Variants in PBRM1 observed in about 807,000 individuals in gnomAD.
The protein encoded by PBRM1 is polybromo 1.
Under a neutral mutation model 194.5 loss-of-function variants are expected in PBRM1, and 27 were observed. The observed-to-expected ratio is 0.14, with a 90% confidence interval of 0.10 to 0.19. The LOEUF (loss-of-function observed/expected upper bound fraction) is 0.19. Ranked by LOEUF, PBRM1 falls within the 10% of genes least tolerant of loss-of-function variation. PBRM1 has a pLI of 1.00. For synonymous variants in PBRM1, 655 were observed against 693.2 expected, an observed-to-expected ratio of 0.94 and a Z score of 0.87; for missense variants, 1,466 against 2,077.2, an observed-to-expected ratio of 0.71 and a Z score of 5.72.
At chr3:52,671,310 C>A (rs1317611636) in intron 2 of PBRM1, among the ~76,000 whole-genome samples, 3 of 152,214 alleles carry the variant, frequency 2.0e-5, no homozygotes, top group African/African-American at 7.2e-5. Flanking sequence ...AGAGGAGCGT[C>A]AGAAAAAAGG....
chr3:52,594,218 T>C (rs886357858), intron 17 of PBRM1, among the ~76,000 whole-genome samples: 2 of 152,196 alleles, frequency 1.3e-5, no homozygotes, highest in Admixed American at 1.3e-4. Flanking sequence ...TGTAAGCCTC[T>C]CTGAAGGTCT....
chr3:52,571,911 C>T (rs1231385588), intron 22 of PBRM1, among the ~76,000 whole-genome samples: 1 of 145,270 alleles, frequency 6.9e-6, no homozygotes, highest in East Asian at 2.0e-4. Context: ...GGTGGTACAT[C>T]CCTATAGTCC....
rs1422119249 is a variant in PBRM1, at chr3:52,609,848, G to A, written c.2032C>T (p.Arg678Cys). Reference sequence around the variant, plus strand: ...CTCAGAAATATGGCACTGAGGCGGCGACCCCTCTTATCAGTATAGTTCTTT... The same window carrying A: ...CTCAGAAATATGGCACTGAGGCGGCAACCCCTCTTATCAGTATAGTTCTTT... Residue 678 changes from arginine to cysteine, a missense_variant, in exon 16 of 30, where the codon CGC becomes TGC. Arg to Cys is a radical substitution (Grantham distance 180). This residue lies in a region of PBRM1 where 687 missense variants were observed against 946.2 expected (regional missense o/e 0.73). Coordinates refer to ENST00000296302, the Ensembl canonical transcript of PBRM1. The surrounding 1 kb of genome is among the most constrained non-coding windows in gnomAD (Gnocchi z 4.1). 2 of 1,613,204 alleles carry A rather than the reference G, an allele frequency of 1.2e-6. No individual in the cohort carries two copies. The highest frequency in any genetic ancestry group is 2.2e-5 in the East Asian group (1 of 44,870).
chr3:52,550,869 G>A, intron 27 of PBRM1, 52 bp from the exon 30 acceptor site: 1 of 1,140,568 alleles, frequency 8.8e-7, no homozygotes. Flanking sequence ...TGAAATGACT[G>A]AAAAACTACT....
intron 14 of PBRM1, among the ~76,000 whole-genome samples, chr3:52,616,981 A>G (rs2094993911): frequency 6.6e-6 from 1 of 152,182 alleles, no homozygotes. Context: ...TATTAGCCCT[A>G]ATTTATAGAT....
At chr3:52,553,492 T>A (rs1242587597) in intron 27 of PBRM1, among the ~76,000 whole-genome samples, 1 of 149,168 alleles carries the variant, frequency 6.7e-6, no homozygotes, top group Non-Finnish European at 1.5e-5. Flanking sequence ...GTCAGGCTTT[T>A]TTTTTTTTTT....
chr3:52,664,519 T>G (rs554014233), intron 3 of PBRM1, among the ~76,000 whole-genome samples: 23 of 151,220 alleles, frequency 1.5e-4, no homozygotes, highest in Non-Finnish European at 2.7e-4. Flanking sequence ...GTGGATCACC[T>G]GAGGTCGGGA....
intron 2 of PBRM1, among the ~76,000 whole-genome samples, chr3:52,671,288 C>A (rs1378788699): frequency 1.3e-5 from 2 of 152,190 alleles, no homozygotes; most frequent in African/African-American, 4.8e-5. Flanking sequence ...GAGAAAAAAA[C>A]ATACATTCCA....
chr3:52,591,041 T>C (rs1432713779), intron 17 of PBRM1, among the ~76,000 whole-genome samples: 3 of 152,200 alleles, frequency 2.0e-5, no homozygotes, highest in Non-Finnish European at 4.4e-5. Flanking sequence ...GACAATGCGT[T>C]CCTGATCTAG....
chr3:52,568,672 G>T (rs1367345809), intron 22 of PBRM1, among the ~76,000 whole-genome samples: 1 of 152,022 alleles, frequency 6.6e-6, no homozygotes, highest in East Asian at 1.9e-4. Flanking sequence ...TTTCCAAATG[G>T]TTATTGAATT....
intron 10 of PBRM1, among the ~76,000 whole-genome samples, chr3:52,638,055 T>C (rs1046735795): frequency 6.6e-6 from 1 of 152,202 alleles, no homozygotes; most frequent in Non-Finnish European, 1.5e-5. Context: ...AATTATCAAA[T>C]GCATCTGCTG....
chr3:52,632,788 G>C (rs1037378531), intron 11 of PBRM1, among the ~76,000 whole-genome samples: 1 of 151,190 alleles, frequency 6.6e-6, no homozygotes, highest in African/African-American at 2.4e-5. Flanking sequence ...CCACCTTCCC[G>C]GTTCAAGCAA....
chr3:52,583,091 C>A, intron 20 of PBRM1, among the ~76,000 whole-genome samples: 1 of 78,652 alleles, frequency 1.3e-5, no homozygotes. Flanking sequence ...AGTGAGACTC[C>A]ATCTCAAAAA....
chr3:52,670,497 T>C (rs1030517801), intron 2 of PBRM1, among the ~76,000 whole-genome samples: 2 of 152,240 alleles, frequency 1.3e-5, no homozygotes, highest in East Asian at 1.9e-4. Flanking sequence ...GATTATATTG[T>C]ATGTTCTTTC....
At chr3:52,613,611 TG>T (rs1383103062) in intron 15 of PBRM1, among the ~76,000 whole-genome samples, 1 of 152,036 alleles carries the variant, frequency 6.6e-6, no homozygotes, top group African/African-American at 2.4e-5. Context: ...CCGAACGCAC[TG>T]GAATTACAGG....
exon 19 of PBRM1, chr3:52,587,456 A>G (rs2092544182): frequency 3.1e-6 from 5 of 1,612,646 alleles, no homozygotes; most frequent in Non-Finnish European, 4.2e-6. Flanking sequence ...TCGTGTAGCC[A>G]GGTGGAATGT....
intron 14 of PBRM1, among the ~76,000 whole-genome samples, chr3:52,616,321 G>C (rs2094949620): frequency 2.0e-5 from 3 of 152,188 alleles, no homozygotes; most frequent in Admixed American, 2.0e-4. Context: ...GAGATGTAAA[G>C]TGGATAAAAA....
At chr3:52,625,016 T>C (rs1015886204) in intron 13 of PBRM1, 75 bp from the exon 15 acceptor site, 1 of 973,594 alleles carries the variant, frequency 1.0e-6, no homozygotes, top group Admixed American at 2.0e-5. Flanking sequence ...GTACAAACCA[T>C]GTATGGTTGA....
At chr3:52,642,116 G>A (rs1247081226) in intron 9 of PBRM1, 71 bp from the exon 11 acceptor site, 2 of 815,662 alleles carry the variant, frequency 2.5e-6, no homozygotes, top group African/African-American at 1.7e-5. Context: ...CAGGGAACAG[G>A]AACTATTAAC....
Sources: gnomAD v4.1 joint callset for allele counts (sites outside exome capture counted in the v4.1 genomes callset) on GRCh38, gnomAD v4.1.1 for gene constraint, gnomAD v4.1.1 regional missense constraint, Gnocchi (gnomAD v3.1) non-coding constraint, MANE v1.5 for transcripts, NCBI Gene and HGNC (gene_info 2026-07-23, HGNC 2026-07-21) for gene names.